SNF8: variants seen among roughly 807,000 people sequenced by gnomAD.
SNF8 encodes SNF8 subunit of ESCRT-II.
Under a neutral mutation model 36.8 loss-of-function variants are expected in SNF8, and 19 were observed. The observed-to-expected ratio is 0.52, with a 90% CI of 0.36 to 0.76. SNF8 has a LOEUF of 0.76. Ranked by LOEUF, SNF8 falls within the 30% of genes least tolerant of loss-of-function variation. SNF8 has a pLI of 0.00. For missense variants in SNF8, 268 were observed against 322.9 expected, an observed-to-expected ratio of 0.83 and a Z score of 1.30; for synonymous variants, 127 against 127.4, an observed-to-expected ratio of 1.00 and a Z score of 0.02.
chr17:48,940,768 C>T (rs1223290684), intron 3 of SNF8, among the ~76,000 whole-genome samples, 156 bp downstream of exon 3: 4 of 152,106 alleles, frequency 2.6e-5, no homozygotes, highest in Admixed American at 2.6e-4. Context: ...CCAGCCTGGG[C>T]GACAGAGCAA....
At chr17:48,936,306 C>A in intron 4 of SNF8, 64 bp from the exon 5 acceptor site, 1 of 1,302,432 alleles carries the variant, frequency 7.7e-7, no homozygotes, top group South Asian at 1.2e-5. Flanking sequence ...AGTTGACAGT[C>A]ATTACAATTC....
intron 5 of SNF8, among the ~76,000 whole-genome samples, chr17:48,933,961 G>A (rs764355315): frequency 6.6e-6 from 1 of 152,184 alleles, no homozygotes; most frequent in Non-Finnish European, 1.5e-5. Flanking sequence ...GTCACCTGTG[G>A]CAAACTAGAG....
intron 3 of SNF8, among the ~76,000 whole-genome samples, chr17:48,938,151 A>G (rs1363234675): frequency 6.6e-6 from 1 of 152,166 alleles, no homozygotes; most frequent in African/African-American, 2.4e-5. Flanking sequence ...CCAGGAGTGT[A>G]GAAATAAAAA....
Position 48,930,314 on chromosome 17 carries a change from A to G in SNF8, c.*161T>C, listed in dbSNP as rs1210432506. The G allele has an allele frequency of 6.8e-6, 5 of 735,814 alleles. No homozygotes were observed. The highest frequency in any genetic ancestry group is 1.8e-5 in the African/African-American group (1 of 56,692). 45.6% of individuals were successfully genotyped at this position (735,814 alleles called of 1,614,324 possible). ...ACTGAACGAGCGAGGTTTTCCTCCA[A>G]TAAAAATGCAACGTGAAGGCACTTT... On this transcript the variant is annotated 3_prime_UTR_variant, in exon 8 of 8. Coordinates refer to ENST00000502492, the MANE Select transcript of SNF8 (RefSeq NM_007241.4).
chr17:48,929,617 T>A lies in SNF8; in HGVS notation c.*858A>T, dbSNP rs2143785642. 1 of 152,310 alleles carries A rather than the reference T, an allele frequency of 6.6e-6. No individual in the cohort carries two copies. 9.4% of individuals were successfully genotyped at this position (152,310 alleles called of 1,614,324 possible). ...TAGAAAAATGTCTACACACAGTATG[T>A]GCTGCCATTCTGTACTATGCAGTGA... On this transcript the variant is annotated 3_prime_UTR_variant, in exon 8 of 8. Coordinates refer to ENST00000502492, the MANE Select transcript of SNF8 (RefSeq NM_007241.4).
At chr17:48,935,025 G>A (rs982081333) in intron 5 of SNF8, among the ~76,000 whole-genome samples, 1 of 152,074 alleles carries the variant, frequency 6.6e-6, no homozygotes, top group African/African-American at 2.4e-5. Context: ...TCCTTCCCCA[G>A]CCTTTCTAGG....
At chr17:48,932,425 C>T (rs182569810) in intron 6 of SNF8, 10 of 152,316 alleles carry the variant, frequency 6.6e-5, no homozygotes, top group South Asian at 2.1e-4. Flanking sequence ...AGAAAAGCCC[C>T]TCCCTTATTT....
At chr17:48,944,600 A>G (rs535916476) in intron 1 of SNF8, 81 bp downstream of exon 1, 2 of 1,457,172 alleles carry the variant, frequency 1.4e-6, no homozygotes, top group East Asian at 2.3e-5. Flanking sequence ...GGAGGTGATT[A>G]ACGGGTAGGA....
chr17:48,930,367 GA>G lies in SNF8; in HGVS notation c.*107del, dbSNP rs200974883. ...AAAAATAAAAGAATGAGGGAAGAAA[GA>G]AAAACTTGGAACTTTTTTTCTATTT... On this transcript the variant is annotated 3_prime_UTR_variant, in exon 8 of 8. Transcript: ENST00000502492. 2,942 of 1,263,058 alleles carry G rather than the reference GA, an allele frequency of 2.3e-3. 69 individuals carry two copies. In the African/African-American group the frequency reaches 0.039, roughly 17 times the overall value. 78.2% of individuals were successfully genotyped at this position (1,263,058 alleles called of 1,614,324 possible). A position where few individuals can be genotyped will look rare whatever the true frequency, so the allele number is the denominator to read the frequency against.
chr17:48,941,199 A>G lies in SNF8; in HGVS notation c.106-137T>C, dbSNP rs73988927. 116 of 951,120 alleles carry G rather than the reference A, an allele frequency of 1.2e-4. No homozygotes were observed. In the African/African-American group the frequency reaches 1.7e-3, roughly 14 times the overall value. 58.9% of individuals were successfully genotyped at this position (951,120 alleles called of 1,614,324 possible). A position where few individuals can be genotyped will look rare whatever the true frequency, so the allele number is the denominator to read the frequency against. On this transcript the variant is annotated intron_variant, in intron 2 of 7. Coordinates refer to ENST00000502492, the MANE Select transcript of SNF8 (RefSeq NM_007241.4). ...TCAGCCTACCATTATGCTGTTTACC[A>G]TCTCTCTTTTTATCCCTGCCTCTCC...
At chr17:48,939,945 C>T (rs566353787) in intron 3 of SNF8, among the ~76,000 whole-genome samples, 8 of 151,554 alleles carry the variant, frequency 5.3e-5, no homozygotes, top group South Asian at 2.1e-4. Flanking sequence ...TTTGGTGGTG[C>T]AGGCCTGTAA....
rs748131400 is a variant in SNF8 at position 48,933,225 on chromosome 17, C to T, written c.544G>A (p.Val182Met). 5 of 1,613,658 alleles carry T rather than the reference C, an allele frequency of 3.1e-6. No homozygotes were observed. The highest frequency in any genetic ancestry group is 2.2e-5 in the East Asian group (1 of 44,898). Residue 182 changes from valine (V) to methionine (M), a missense_variant, in exon 6 of 8, where the codon GTG becomes ATG. Physicochemically the swap from Val to Met is conservative, Grantham distance 21. Coordinates refer to ENST00000502492, the MANE Select transcript of SNF8 (RefSeq NM_007241.4). ...VPAELNMDHT[V>M]VLQLAEKNGY... ...AGTACCTCTGCCAGCTGCAGCACCA[C>T]GGTGTGATCCATATTGAGCTCAGCT...
chr17:48,930,890 A>G (rs1471815939), intron 7 of SNF8, among the ~76,000 whole-genome samples: 1 of 152,230 alleles, frequency 6.6e-6, no homozygotes, highest in African/African-American at 2.4e-5. Flanking sequence ...AGCTACAGAA[A>G]TATTTGCTGT....
chr17:48,935,086 C>A (rs998412414), intron 5 of SNF8, among the ~76,000 whole-genome samples: 43 of 152,276 alleles, frequency 2.8e-4, no homozygotes, highest in African/African-American at 9.9e-4. Context: ...TATATACAGC[C>A]CTGGCCAGCC....
intron 2 of SNF8, 136 bp from the exon 3 acceptor site, chr17:48,941,198 C>T: frequency 1.0e-6 from 1 of 957,218 alleles, no homozygotes. Context: ...TGCTGTTTAC[C>T]ATCTCTCTTT....
Position 48,944,704 on chromosome 17 carries a change from T to C in SNF8, c.31A>G (p.Ile11Val), listed in dbSNP as rs759128537. The change falls in exon 1 of 8, where the codon ATC becomes GTC. Residue 11 changes from isoleucine to valine, a missense_variant. Physicochemically the swap from Ile to Val is conservative, Grantham distance 29. Transcript: ENST00000502492. Reference sequence around the variant, plus strand: ...ACCTCTGCAAGTTTCTTCTTGGCGATGGCGCCAGCTCCCACCCCGCGGCGG... The same window carrying C: ...ACCTCTGCAAGTTTCTTCTTGGCGACGGCGCCAGCTCCCACCCCGCGGCGG... MHRRGVGAGA[I>V]AKKKLAEAKY... 6.2e-7 allele frequency: 1 copy of C among 1,612,274 alleles called. No individual in the cohort carries two copies. The highest frequency in any genetic ancestry group is 8.5e-7 in the Non-Finnish European group (1 of 1,179,308).
rs375030216 is a variant in SNF8 at position 48,944,813 on chromosome 17, A to G, written c.-79T>C. 81 of 1,441,678 alleles carry G rather than the reference A, an allele frequency of 5.6e-5. No homozygotes were observed. In the East Asian group the frequency reaches 1.2e-3, roughly 21 times the overall value. The allele number at this position is 1,441,678 out of a possible 1,614,324, so 89.3% of individuals were successfully genotyped here. A position where few individuals can be genotyped will look rare whatever the true frequency, so the allele number is the denominator to read the frequency against. Reference sequence around the variant, plus strand: ...CCCGGACTCCGCCGCCGGCTCCCCAAGGCGGAAGCCCGAGCCGCGCGTCAT... The same window carrying G: ...CCCGGACTCCGCCGCCGGCTCCCCAGGGCGGAAGCCCGAGCCGCGCGTCAT... On this transcript the variant is annotated 5_prime_UTR_variant, in exon 1 of 8. Transcript: ENST00000502492.
intron 2 of SNF8, 28 bp from the exon 3 acceptor site, chr17:48,941,090 G>C: frequency 6.2e-7 from 1 of 1,606,924 alleles, no homozygotes. Flanking sequence ...AGTGGTGAAG[G>C]GCAGCCCAGC....
intron 5 of SNF8, 178 bp from the exon 6 acceptor site, chr17:48,933,524 T>C (rs977123047): frequency 7.6e-6 from 5 of 662,172 alleles, no homozygotes; most frequent in African/African-American, 3.6e-5. Context: ...AGAAGACTGC[T>C]TGAGCCCAGG....
Sources: gnomAD v4.1 joint callset for allele counts (sites outside exome capture counted in the v4.1 genomes callset) on GRCh38, gnomAD v4.1.1 for gene constraint, MANE v1.5 for transcripts, NCBI Gene and HGNC (gene_info 2026-07-23, HGNC 2026-07-21) for gene names.